Variants in TCF4 observed in about 807,000 individuals in gnomAD.
TCF4 encodes transcription factor 4.
Under a neutral mutation model 82.1 loss-of-function variants are expected in TCF4, and 3 were observed. The observed-to-expected ratio is 0.04, with a 90% CI of 0.02 to 0.09. The LOEUF is 0.09. Ranked by LOEUF, TCF4 falls within the 10% of genes least tolerant of loss-of-function variation. The pLI is 1.00. For missense variants in TCF4, 518 were observed against 852.7 expected, an observed-to-expected ratio of 0.61 and a Z score of 4.89; for synonymous variants, 276 against 309.6, an observed-to-expected ratio of 0.89 and a Z score of 1.14.
chr18:55,521,619 T>C (rs2096934233), intron 3 of TCF4, among the ~76,000 whole-genome samples: 1 of 152,244 alleles, frequency 6.6e-6, no homozygotes. Flanking sequence ...AAAGGCCATG[T>C]GCCTTCTGCA....
At chr18:55,334,351 C>T (rs1423938373) in intron 8 of TCF4, among the ~76,000 whole-genome samples, 1 of 151,942 alleles carries the variant, frequency 6.6e-6, no homozygotes, top group Non-Finnish European at 1.5e-5. Flanking sequence ...ATTAAGTGTG[C>T]ACAGTAAATG....
intron 3 of TCF4, among the ~76,000 whole-genome samples, chr18:55,584,737 C>T (rs572566733): frequency 6.6e-6 from 1 of 152,052 alleles, no homozygotes; most frequent in South Asian, 2.1e-4. Flanking sequence ...ACAGCTAAAG[C>T]ATCAAAAAGG....
intron 15 of TCF4, among the ~76,000 whole-genome samples, chr18:55,250,235 C>A (rs573051873): frequency 6.6e-6 from 1 of 152,100 alleles, no homozygotes; most frequent in Admixed American, 6.6e-5. Flanking sequence ...AGGCACTCAG[C>A]GCAAACATGT....
intron 6 of TCF4, among the ~76,000 whole-genome samples, chr18:55,380,256 T>A (rs542832736): frequency 6.6e-6 from 1 of 152,066 alleles, no homozygotes; most frequent in South Asian, 2.1e-4. Context: ...CTAGCTCTCT[T>A]CCTTTACTTT....
rs575632897 is a variant in TCF4 at position 55,514,924 on chromosome 18, C to T, written c.146-50787G>A. Among the ~76,000 whole-genome samples, 88 of 151,994 alleles carry T rather than the reference C, an allele frequency of 5.8e-4. 1 individual carries two copies. Among genetic ancestry groups the T allele is most frequent in the Middle Eastern group, 3.4e-3 (1 of 294 alleles). ...TGGTTTATTACTATTAAAATTATTA[C>T]CATATAATGGTAATTGAATTTGTGC... On this transcript the variant is annotated intron_variant, in intron 3 of 19. Coordinates refer to ENST00000354452, the MANE Select transcript of TCF4 (RefSeq NM_001083962.2).
chr18:55,586,854 A>G (rs889995685), intron 2 of TCF4, 191 bp downstream of exon 2: 57 of 530,200 alleles, frequency 1.1e-4, no homozygotes, highest in Non-Finnish European at 1.7e-4. Flanking sequence ...AAAAAAAAAA[A>G]GCCTGAATCT....
rs763826456 is a variant in TCF4, at chr18:55,578,616, AG to A, written c.145+6663del. 5.3e-5 allele frequency among the ~76,000 whole-genome samples: 8 copies of A among 152,228 alleles called. No individual in the cohort carries two copies. In the East Asian group the frequency reaches 7.7e-4, roughly 15 times the overall value. On this transcript the variant is annotated intron_variant, in intron 3 of 19. Transcript: ENST00000354452. ...TTTCAGCTAAAATTACTTGGATCAA[AG>A]AGACATTCTGGCACATGAGAATTTA... is the stretch of plus-strand genomic sequence containing the variant.
chr18:55,580,155 A>C (rs551051009), intron 3 of TCF4, among the ~76,000 whole-genome samples: 1 of 152,132 alleles, frequency 6.6e-6, no homozygotes, highest in Admixed American at 6.5e-5. Flanking sequence ...TCAGTGTCAA[A>C]TAGAGTACTG....
At chr18:55,234,822 G>T in intron 15 of TCF4, 139 bp from the exon 16 acceptor site, 1 of 1,159,172 alleles carries the variant, frequency 8.6e-7, no homozygotes, top group Non-Finnish European at 1.3e-6. Flanking sequence ...GGCGCTGAAG[G>T]ACCGCACATG....
chr18:55,427,574 C>T (rs2095040748), intron 5 of TCF4, among the ~76,000 whole-genome samples: 1 of 152,110 alleles, frequency 6.6e-6, no homozygotes, highest in South Asian at 2.1e-4. Context: ...TATCTTGATG[C>T]CTCCATCTTC....
At chr18:55,569,434 A>G (rs531551512) in intron 3 of TCF4, among the ~76,000 whole-genome samples, 11 of 152,266 alleles carry the variant, frequency 7.2e-5, no homozygotes, top group Non-Finnish European at 1.6e-4. Flanking sequence ...AGTCCCAGCT[A>G]CTTGGGAGGC....
chr18:55,538,162 T>C (rs760390482), intron 3 of TCF4, among the ~76,000 whole-genome samples: 1 of 152,214 alleles, frequency 6.6e-6, no homozygotes, highest in Non-Finnish European at 1.5e-5. Context: ...TAAATGAGTA[T>C]GCTATCATTT....
At chr18:55,556,816 A>G (rs1267186609) in intron 3 of TCF4, among the ~76,000 whole-genome samples, 5 of 152,242 alleles carry the variant, frequency 3.3e-5, no homozygotes, top group African/African-American at 1.2e-4. Flanking sequence ...TCAGTTCATG[A>G]GCATTTAGCA....
chr18:55,530,876 C>G (rs1164114767), intron 3 of TCF4, among the ~76,000 whole-genome samples: 4 of 152,088 alleles, frequency 2.6e-5, no homozygotes, highest in Non-Finnish European at 4.4e-5. Context: ...GCAAATGACA[C>G]TCTGGTACAC....
intron 3 of TCF4, among the ~76,000 whole-genome samples, chr18:55,493,656 G>A (rs1222197192): frequency 1.3e-5 from 2 of 152,058 alleles, no homozygotes; most frequent in Non-Finnish European, 2.9e-5. Flanking sequence ...TAAATTACTT[G>A]ATGAATCTTA....
upstream of TCF4, chr18:55,588,324 G>A (rs2097672888): frequency 1.4e-6 from 2 of 1,475,774 alleles, no homozygotes; most frequent in Admixed American, 4.7e-5. Context: ...GAAATGGGTG[G>A]GGGGGCTCCG....
At chr18:55,302,437 C>G in intron 8 of TCF4, 3 of 1,536,278 alleles carry the variant, frequency 2.0e-6, no homozygotes, top group Non-Finnish European at 2.6e-6. Flanking sequence ...CTTCGTGGTC[C>G]AGGCAACATA....
intron 8 of TCF4, among the ~76,000 whole-genome samples, chr18:55,343,099 A>G (rs966921906): frequency 5.9e-5 from 9 of 152,146 alleles, no homozygotes; most frequent in African/African-American, 2.2e-4. Context: ...TAATGGTAAC[A>G]GTGACACTTT....
chr18:55,271,040 T>C (rs902318904), intron 10 of TCF4, among the ~76,000 whole-genome samples: 5 of 152,144 alleles, frequency 3.3e-5, no homozygotes, highest in Non-Finnish European at 7.4e-5. Context: ...AGATTGAATA[T>C]GATGCTGATA....
Sources: allele counts gnomAD v4.1 joint callset (sites outside exome capture counted in the v4.1 genomes callset), GRCh38; gene constraint gnomAD v4.1.1; transcripts MANE v1.5; gene names NCBI Gene and HGNC (gene_info 2026-07-23, HGNC 2026-07-21).